The following CCDC171 variants were observed in gnomAD, a reference collection of about 807,000 sequenced individuals.
The protein encoded by CCDC171 is coiled-coil domain containing 171, also known as coiled-coil domain-containing protein 171.
CCDC171 carries 177 observed loss-of-function variants against 168.2 expected under a neutral mutation model. The observed-to-expected ratio is 1.05, with a 90% CI of 0.93 to 1.19. The LOEUF is 1.19. Among genes scored for constraint, CCDC171 ranks in the 50% most tolerant of loss-of-function variants. The probability of loss-of-function intolerance (pLI) is 0.00; values close to 1 mark genes in which losing one functional copy is unlikely to be tolerated. For synonymous variants in CCDC171, 687 were observed against 540.8 expected (o/e 1.27, Z -3.75); for missense variants, 1,991 against 1,539.0 (o/e 1.29, Z -4.91).
At chr9:16,038,218 G>C (rs937793315), upstream of CCDC171, among the ~76,000 whole-genome samples, 3 of 152,064 alleles carry the variant, frequency 2.0e-5, no homozygotes, top group African/African-American at 2.4e-5. Flanking sequence ...TAAAATTAAA[G>C]TTTTGTTTGG....
chr9:15,878,417 A>C (rs569424538), intron 24 of CCDC171, among the ~76,000 whole-genome samples: 1 of 152,316 alleles, frequency 6.6e-6, no homozygotes, highest in African/African-American at 2.4e-5. Flanking sequence ...GCCAATCAAA[A>C]CCACAATGAG....
chr9:15,616,245 C>A (rs1435448035), intron 6 of CCDC171, among the ~76,000 whole-genome samples: 1 of 152,086 alleles, frequency 6.6e-6, no homozygotes. Flanking sequence ...AGCCACCACG[C>A]CCAGCCATTT....
At chr9:16,011,390 G>T (rs1288733233) in intron 3 of CCDC171, among the ~76,000 whole-genome samples, 1 of 122,558 alleles carries the variant, frequency 8.2e-6, no homozygotes, top group Non-Finnish European at 1.7e-5. Flanking sequence ...AATAGTAATG[G>T]TGTGAAAAAT....
intron 24 of CCDC171, chr9:15,885,507 A>G (rs997331940): frequency 1.1e-4 from 17 of 152,192 alleles, no homozygotes; most frequent in African/African-American, 4.1e-4. Flanking sequence ...ATTGCTATTC[A>G]TTTTAGCTAC....
chr9:15,656,655 C>G (rs2047960344), intron 7 of CCDC171, among the ~76,000 whole-genome samples: 1 of 152,104 alleles, frequency 6.6e-6, no homozygotes, highest in Admixed American at 6.6e-5. Context: ...ATATATGATT[C>G]AATTTATATA....
chr9:15,718,676 G>C lies in CCDC171; in HGVS notation c.1319-3093G>C, dbSNP rs568075714. Among the ~76,000 whole-genome samples the C allele has an allele frequency of 1.5e-3, 227 of 152,332 alleles. 8 individuals are homozygous for C. In the South Asian group the frequency reaches 0.045, roughly 30 times the overall value. On this transcript the variant is annotated intron_variant, in intron 11 of 25. Coordinates refer to ENST00000380701, the MANE Select transcript of CCDC171 (RefSeq NM_173550.4). ...AGAAGGCAACAAGAGTCTCTATGTA[G>C]TAATCTAGAGAATTCCTCTGAATTT...
At chr9:15,921,593 A>G (rs781297737) in intron 25 of CCDC171, among the ~76,000 whole-genome samples, 14 of 151,650 alleles carry the variant, frequency 9.2e-5, no homozygotes, top group Non-Finnish European at 1.0e-4. Context: ...GGCTTATAGT[A>G]GGTGCTCAAT....
intron 24 of CCDC171, among the ~76,000 whole-genome samples, chr9:15,876,920 T>TA (rs1817921909): frequency 1.3e-5 from 2 of 152,078 alleles, no homozygotes; most frequent in African/African-American, 2.4e-5. Context: ...ATATGAACCA[T>TA]TTGCCCAACT....
intron 24 of CCDC171, among the ~76,000 whole-genome samples, chr9:15,892,505 G>A (rs115921998): frequency 0.01 from 1,557 of 152,174 alleles, 28 homozygotes; most frequent in African/African-American, 0.035. Context: ...GATGAATCAC[G>A]TTTATTGATT....
At chr9:16,082,849 G>A in the CCDC171 span, among the ~76,000 whole-genome samples, 2 of 152,058 alleles carry the variant, frequency 1.3e-5, no homozygotes, top group African/African-American at 4.8e-5. Flanking sequence ...TTTTGGCTTT[G>A]TCTAAGCTGT....
chr9:16,038,881 A>AAAAG (rs557144422), upstream of CCDC171, among the ~76,000 whole-genome samples: 30,715 of 134,736 alleles, frequency 0.23, 4,063 homozygotes, highest in East Asian at 0.56. Context: ...AAAAAAAAAA[A>AAAAG]AAAGCTGAAT....
chr9:15,606,515 G>C (rs1442819238), intron 6 of CCDC171, among the ~76,000 whole-genome samples: 4 of 152,092 alleles, frequency 2.6e-5, no homozygotes, highest in Non-Finnish European at 4.4e-5. Flanking sequence ...ACTTGTTCTG[G>C]GTCTTTCAGG....
chr9:15,793,621 C>G lies in CCDC171; in HGVS notation c.3267+8927C>G, dbSNP rs1030716852. 3.3e-5 allele frequency among the ~76,000 whole-genome samples: 4 copies of G among 121,274 alleles called. 1 individual carries two copies. Among genetic ancestry groups the G allele is most frequent in the Admixed American group, 3.1e-4 (3 of 9,572 alleles). 79.6% of individuals were successfully genotyped at this position (121,274 alleles called of 152,430 possible). On this transcript the variant is annotated intron_variant, in intron 21 of 25. Transcript: ENST00000380701. ...TCTCTTCCCAGTGGCTGGATCTCAA[C>G]TCACTGCAAGCTCTACTCTCCAGGT...
chr9:15,993,978 C>T lies in CCDC171; in HGVS notation n.369-26611C>T, dbSNP rs187563048. ...TTGTGGAGAAATAGGAACACTTCTA[C>T]ACTGTTGGTGGGACTGTAAACTAGT... On this transcript the variant is annotated intron_variant and non_coding_transcript_variant, in intron 3 of 9. Transcript: ENST00000486641. 5.5e-3 allele frequency among the ~76,000 whole-genome samples: 843 copies of T among 152,320 alleles called. 8 individuals are homozygous for T. Among genetic ancestry groups the T allele is most frequent in the Non-Finnish European group, 8.4e-3 (569 of 68,032 alleles).
At chr9:15,901,511 A>G (rs1242749117) in intron 24 of CCDC171, among the ~76,000 whole-genome samples, 1 of 152,228 alleles carries the variant, frequency 6.6e-6, no homozygotes, top group South Asian at 2.1e-4. Flanking sequence ...TGCTCTAAAA[A>G]TAGTCTATTT....
At chr9:15,694,653 G>A (rs2051075496) in intron 10 of CCDC171, among the ~76,000 whole-genome samples, 2 of 152,120 alleles carry the variant, frequency 1.3e-5, no homozygotes, top group South Asian at 4.1e-4. Flanking sequence ...ATCCAATCCA[G>A]TTCAATCCAG....
intron 3 of CCDC171, among the ~76,000 whole-genome samples, chr9:15,986,322 C>T (rs1015140165): frequency 6.6e-6 from 1 of 152,216 alleles, no homozygotes; most frequent in African/African-American, 2.4e-5. Context: ...TGAATTGATT[C>T]TTCATTGAGT....
In CCDC171 at chr9:15,779,360, C is replaced by T. The variant is rs548434025; in HGVS notation, c.3081+210C>T. Among the ~76,000 whole-genome samples, 209 of 151,930 alleles carry T rather than the reference C, an allele frequency of 1.4e-3. 2 individuals carry two copies. Among genetic ancestry groups the T allele is most frequent in the Non-Finnish European group, 1.8e-3 (125 of 67,954 alleles). On this transcript the variant is annotated intron_variant, in intron 20 of 25. Coordinates refer to ENST00000380701, the MANE Select transcript of CCDC171 (RefSeq NM_173550.4). ...GGCGGGGGAGTGGGGAGAGAGATTT[C>T]CTCTCTTCTTTTTTTTTGAGATGGA...
At chr9:15,643,281 A>T (rs149967199) in intron 7 of CCDC171, among the ~76,000 whole-genome samples, 12 of 152,238 alleles carry the variant, frequency 7.9e-5, no homozygotes, top group African/African-American at 2.9e-4. Context: ...AACTGACTTC[A>T]GTTCTTTAAG....
Sources: gnomAD v4.1 joint callset for allele counts (sites outside exome capture counted in the v4.1 genomes callset) on GRCh38, gnomAD v4.1.1 for gene constraint, MANE v1.5 for transcripts, NCBI Gene and HGNC (gene_info 2026-07-23, HGNC 2026-07-21) for gene names.